Variants in ITSN1 observed in about 807,000 individuals in gnomAD.
ITSN1 encodes intersectin-1.
A neutral mutation model predicts 239.8 loss-of-function variants in ITSN1; 58 were observed. The ratio of observed to expected loss-of-function variants is 0.24; its 90% CI spans 0.20 to 0.30. The LOEUF is 0.30. ITSN1 is among the 10% of genes least tolerant of loss of function. The pLI is 1.00. For synonymous variants in ITSN1, 780 were observed against 770.8 expected, an observed-to-expected ratio of 1.01 and a Z score of -0.20; for missense variants, 1,558 against 2,103.3, an observed-to-expected ratio of 0.74 and a Z score of 5.07.
At position 33,865,058 on chromosome 21, in the gene ITSN1, T is replaced by G; in HGVS notation, c.3891-93T>G. 7.9e-7 allele frequency: 1 copy of G among 1,270,886 alleles called. No homozygotes were observed. Among genetic ancestry groups the G allele is most frequent in the Non-Finnish European group, 1.1e-6 (1 of 921,396 alleles). 78.7% of individuals were successfully genotyped at this position (1,270,886 alleles called of 1,614,324 possible). A position where few individuals can be genotyped will look rare whatever the true frequency, so the allele number is the denominator to read the frequency against. ...TTAGTGGCCCTTAAGGCTGTGCCCC[T>G]CACACACATTCTGTTTCTGTGCAAC... On this transcript the variant is annotated intron_variant, in intron 31 of 39. Coordinates refer to ENST00000381318, the MANE Select transcript of ITSN1 (RefSeq NM_003024.3). This position sits in a 1 kb window ranked among gnomAD's most constrained non-coding sequence, Gnocchi z 4.4.
At chr21:33,819,712 G>T (rs1165838793) in intron 24 of ITSN1, among the ~76,000 whole-genome samples, 2 of 152,182 alleles carry the variant, frequency 1.3e-5, no homozygotes, top group African/African-American at 4.8e-5. Flanking sequence ...GCCGGGCGCG[G>T]TGGCTCACGC....
intron 7 of ITSN1, among the ~76,000 whole-genome samples, chr21:33,755,010 A>G (rs2067814927): frequency 6.6e-6 from 1 of 152,306 alleles, no homozygotes; most frequent in Non-Finnish European, 1.5e-5. Flanking sequence ...TCATACTTTT[A>G]TAGAACCTTT....
intron 22 of ITSN1, 82 bp from the exon 23 acceptor site, chr21:33,818,185 G>T: frequency 1.7e-6 from 2 of 1,147,970 alleles, no homozygotes; most frequent in East Asian, 2.5e-5. Context: ...TGTGCTTGTT[G>T]GAGAGGTGCC....
At chr21:33,831,643 G>A (rs957675171) in intron 27 of ITSN1, among the ~76,000 whole-genome samples, 14 of 152,116 alleles carry the variant, frequency 9.2e-5, no homozygotes, top group Non-Finnish European at 1.9e-4. Context: ...AAGGCCTCGG[G>A]TCTCACACAG....
At position 33,882,800 on chromosome 21, in the gene ITSN1, G is replaced by A. The variant is rs1985144562; in HGVS notation, c.4554+345G>A. ...GAAGAGGTGCAAAACAGCACCCAGGGCCCACCGTCGCCTCCAAACAGTCCT... is the reference window on the plus strand; with the variant it reads ...GAAGAGGTGCAAAACAGCACCCAGGACCCACCGTCGCCTCCAAACAGTCCT... On this transcript the variant is annotated intron_variant, in intron 35 of 39. Transcript: ENST00000381318. The surrounding 1 kb of genome is among the most constrained non-coding windows in gnomAD (Gnocchi z 4.5). Among the ~76,000 whole-genome samples the A allele has an allele frequency of 6.6e-6, 1 of 152,116 alleles. No homozygotes were observed. Among genetic ancestry groups the A allele is most frequent in the Admixed American group, 6.5e-5 (1 of 15,272 alleles).
chr21:33,865,371 G>A lies in ITSN1; in HGVS notation c.4074+37G>A. 2 of 1,465,538 alleles carry A rather than the reference G, an allele frequency of 1.4e-6. No individual in the cohort carries two copies. The allele number at this position is 1,465,538 out of a possible 1,614,324, so 90.8% of individuals were successfully genotyped here. On this transcript the variant is annotated intron_variant, in intron 32 of 39. Transcript: ENST00000381318. The surrounding 1 kb of genome is among the most constrained non-coding windows in gnomAD (Gnocchi z 4.4). ...GGCTGTGCAGAGACTGGGCCCCAGA[G>A]TGGCGATCTTTGGGCAGCTGGATGT...
intron 1 of ITSN1, among the ~76,000 whole-genome samples, chr21:33,653,001 T>C (rs1033110758): frequency 2.0e-5 from 3 of 150,950 alleles, no homozygotes; most frequent in Admixed American, 6.6e-5. Context: ...GAAGTTCTTT[T>C]TTTTTTTTTT....
intron 5 of ITSN1, among the ~76,000 whole-genome samples, chr21:33,749,023 G>A (rs957268023): frequency 2.1e-5 from 3 of 146,310 alleles, no homozygotes; most frequent in East Asian, 2.0e-4. Flanking sequence ...GGATCTCACT[G>A]TATTGCCCAG....
At chr21:33,670,536 G>A (rs138531130) in intron 1 of ITSN1, among the ~76,000 whole-genome samples, 75 of 151,298 alleles carry the variant, frequency 5.0e-4, no homozygotes, top group African/African-American at 1.7e-3. Context: ...AGTGGCCATC[G>A]TTCACTTATG....
At chr21:33,702,471 A>C (rs1447818504) in intron 1 of ITSN1, among the ~76,000 whole-genome samples, 1 of 152,180 alleles carries the variant, frequency 6.6e-6, no homozygotes, top group African/African-American at 2.4e-5. Flanking sequence ...CAGCACAATG[A>C]CATACTTGTT....
At chr21:33,729,304 T>C (rs1226391784) in intron 4 of ITSN1, among the ~76,000 whole-genome samples, 1 of 151,452 alleles carries the variant, frequency 6.6e-6, no homozygotes, top group Admixed American at 6.6e-5. Flanking sequence ...AAAAAAATTA[T>C]CCAGGTATGG....
At chr21:33,668,710 T>C (rs1472785458) in intron 1 of ITSN1, among the ~76,000 whole-genome samples, 2 of 152,188 alleles carry the variant, frequency 1.3e-5, no homozygotes, top group Non-Finnish European at 2.9e-5. Flanking sequence ...CTTTACTCTG[T>C]GGCCATATCT....
rs1350868959 is a variant in ITSN1, at chr21:33,899,857, G to A, written c.*11557G>A. On this transcript the variant is annotated 3_prime_UTR_variant, in exon 40 of 40. Coordinates refer to ENST00000381318, the MANE Select transcript of ITSN1 (RefSeq NM_003024.3). ...ATAGTTCATGAATAAAAGGAGAAAA[G>A]CCAATCTGTTATAGTGGATTATTTT... The A allele has an allele frequency of 1.3e-5, 2 of 152,274 alleles. No individual in the cohort carries two copies. The highest frequency in any genetic ancestry group is 6.5e-5 in the Admixed American group (1 of 15,300). 9.4% of individuals were successfully genotyped at this position (152,274 alleles called of 1,614,324 possible).
chr21:33,711,216 T>C (rs1568996526), intron 1 of ITSN1, among the ~76,000 whole-genome samples: 1 of 152,222 alleles, frequency 6.6e-6, no homozygotes, highest in Non-Finnish European at 1.5e-5. Flanking sequence ...ATAAGGCTTT[T>C]TACTATTTCT....
intron 1 of ITSN1, among the ~76,000 whole-genome samples, chr21:33,702,653 T>C (rs2092076287): frequency 6.6e-6 from 1 of 152,264 alleles, no homozygotes; most frequent in African/African-American, 2.4e-5. Context: ...TGTTTTGTTT[T>C]GATTTTTATT....
intron 1 of ITSN1, among the ~76,000 whole-genome samples, chr21:33,673,997 T>C (rs1361309310): frequency 1.3e-5 from 2 of 152,232 alleles, no homozygotes; most frequent in African/African-American, 2.4e-5. Context: ...TTCTTCTAGA[T>C]TGGGCTTGGA....
chr21:33,887,581 T>A (rs1018142908), intron 39 of ITSN1, among the ~76,000 whole-genome samples: 1 of 146,752 alleles, frequency 6.8e-6, no homozygotes, highest in Admixed American at 7.0e-5. Context: ...TGTCAACTTC[T>A]AATTCTTTTT....
chr21:33,887,391 T>G (rs906070696), intron 39 of ITSN1, among the ~76,000 whole-genome samples: 1 of 151,908 alleles, frequency 6.6e-6, no homozygotes, highest in African/African-American at 2.4e-5. Flanking sequence ...GAAGTGAGGG[T>G]CAAATGCTAG....
intron 29 of ITSN1, among the ~76,000 whole-genome samples, chr21:33,852,700 G>T (rs541647475): frequency 1.3e-5 from 2 of 152,084 alleles, no homozygotes; most frequent in Admixed American, 6.6e-5. Context: ...ATTTGTAACC[G>T]CCTGGAGTCA....
Sources: gnomAD v4.1 joint callset for allele counts (sites outside exome capture counted in the v4.1 genomes callset) on GRCh38, gnomAD v4.1.1 for gene constraint, Gnocchi (gnomAD v3.1) non-coding constraint, MANE v1.5 for transcripts, NCBI Gene and HGNC (gene_info 2026-07-23, HGNC 2026-07-21) for gene names.